The following KIAA1217 variants were observed in gnomAD, a reference collection of about 807,000 sequenced individuals.
KIAA1217 encodes the protein KIAA1217.
Under a neutral mutation model 163.9 loss-of-function variants are expected in KIAA1217, and 88 were observed. The observed-to-expected ratio is 0.54, with a 90% CI of 0.45 to 0.64. The LOEUF (loss-of-function observed/expected upper bound fraction) is 0.64. KIAA1217 is among the 30% of genes least tolerant of loss of function. The pLI is 0.00. For synonymous variants in KIAA1217, 903 were observed against 923.1 expected (o/e 0.98, Z 0.39); for missense variants, 2,372 against 2,475.0 (o/e 0.96, Z 0.88).
chr10:23,934,557 GTATATA>G (rs778185120), intron 1 of KIAA1217, among the ~76,000 whole-genome samples: 7,968 of 44,250 alleles, frequency 0.18, 905 homozygotes, highest in East Asian at 0.4. Flanking sequence ...GGTCTTTAAA[GTATATA>G]TATATATATA....
chr10:24,182,751 C>G (rs1422774355), intron 2 of KIAA1217, among the ~76,000 whole-genome samples: 1 of 151,892 alleles, frequency 6.6e-6, no homozygotes, highest in East Asian at 1.9e-4. Context: ...TAAGTGAAAG[C>G]AGAACTATAA....
intron 1 of KIAA1217, among the ~76,000 whole-genome samples, chr10:23,860,124 A>G (rs1478588113): frequency 6.6e-6 from 1 of 152,122 alleles, no homozygotes; most frequent in African/African-American, 2.4e-5. Context: ...TCTTCAGAGC[A>G]GGGAGCAGCT....
rs116392878 is a variant in KIAA1217, at chr10:24,541,516, G to A, written c.3535-1177G>A. ...CTCTGGGTTGACTTTGGCTGGGCCC[G>A]GGTGTTTGTGCTTTGTGTTGTCATT... On this transcript the variant is annotated intron_variant, in intron 17 of 20. Coordinates refer to ENST00000376454, the MANE Select transcript of KIAA1217 (RefSeq NM_019590.5). Among the ~76,000 whole-genome samples, 1,409 of 152,228 alleles carry A rather than the reference G, an allele frequency of 9.3e-3. 19 individuals carry two copies. The highest frequency in any genetic ancestry group is 0.033 in the African/African-American group (1,360 of 41,532).
At chr10:24,100,175 A>G (rs987471115) in intron 2 of KIAA1217, among the ~76,000 whole-genome samples, 1 of 151,934 alleles carries the variant, frequency 6.6e-6, no homozygotes, top group African/African-American at 2.4e-5. Context: ...CCACCAAGAA[A>G]CAAGGGTCTG....
intron 2 of KIAA1217, among the ~76,000 whole-genome samples, chr10:24,259,241 G>A (rs1003597798): frequency 5.3e-5 from 8 of 152,074 alleles, no homozygotes; most frequent in Admixed American, 1.3e-4. Context: ...AGATGTGGGC[G>A]GTTTCTTGTA....
intron 5 of KIAA1217, among the ~76,000 whole-genome samples, chr10:24,456,424 C>A (rs1039554137): frequency 2.0e-5 from 3 of 152,086 alleles, no homozygotes; most frequent in Admixed American, 1.3e-4. Context: ...AATAATCATG[C>A]GTGCTCAGTG....
chr10:23,934,614 TATA>T (rs1843435707), intron 1 of KIAA1217, among the ~76,000 whole-genome samples: 5 of 82,580 alleles, frequency 6.1e-5, no homozygotes, highest in Admixed American at 1.2e-4. Context: ...TATGTATATA[TATA>T]TATATATATT....
intron 1 of KIAA1217, among the ~76,000 whole-genome samples, chr10:23,782,860 T>C (rs1835320753): frequency 6.6e-6 from 1 of 152,218 alleles, no homozygotes; most frequent in South Asian, 2.1e-4. Flanking sequence ...TTGCCAGTAC[T>C]TCTACTATTA....
intron 3 of KIAA1217, among the ~76,000 whole-genome samples, chr10:24,429,863 C>T (rs971852592): frequency 6.6e-6 from 1 of 152,096 alleles, no homozygotes; most frequent in Non-Finnish European, 1.5e-5. Context: ...GTTTGTCAGG[C>T]CAGACATGGT....
At chr10:23,921,660 A>G (rs898861176) in intron 1 of KIAA1217, among the ~76,000 whole-genome samples, 2 of 151,934 alleles carry the variant, frequency 1.3e-5, no homozygotes, top group African/African-American at 2.4e-5. Flanking sequence ...CAGGCCCATG[A>G]GTTTCTTCGG....
intron 3 of KIAA1217, among the ~76,000 whole-genome samples, chr10:24,384,599 C>T (rs1020084434): frequency 1.3e-5 from 2 of 152,156 alleles, no homozygotes; most frequent in Admixed American, 6.5e-5. Flanking sequence ...TGCAGTGGAA[C>T]GATCTCGGCT....
chr10:24,478,893 T>C (rs2064331583), intron 6 of KIAA1217, among the ~76,000 whole-genome samples: 1 of 152,164 alleles, frequency 6.6e-6, no homozygotes, highest in Non-Finnish European at 1.5e-5. Flanking sequence ...AATTCAAGAG[T>C]GCTTATCGCA....
At chr10:24,387,780 A>G (rs534415839) in intron 3 of KIAA1217, among the ~76,000 whole-genome samples, 1 of 152,190 alleles carries the variant, frequency 6.6e-6, no homozygotes, top group East Asian at 1.9e-4. Flanking sequence ...AGAGAGCCAA[A>G]TCATGAGTGA....
At chr10:24,065,072 T>C (rs978896483) in intron 2 of KIAA1217, among the ~76,000 whole-genome samples, 4 of 152,224 alleles carry the variant, frequency 2.6e-5, no homozygotes, top group African/African-American at 9.6e-5. Flanking sequence ...ATCAATTTTG[T>C]TGATCCTTTC....
At position 24,536,808 on chromosome 10, in the gene KIAA1217, C is replaced by T. The variant is rs1261860364; in HGVS notation, c.3449C>T (p.Ser1150Leu). Residue 1150 changes from serine to leucine, a missense_variant, in exon 17 of 21, where the codon TCA becomes TTA. Around this residue, in one of 3 missense-constraint regions of KIAA1217, gnomAD observed 251 missense variants for 327.3 expected, o/e 0.77. Transcript: ENST00000376454. ...FQKCSFMDVN[S>L]NSHAEPSRAD... ...AAGTGTTCCTTTATGGATGTAAATT[C>T]AAACAGTCATGCTGAGCCATCCCGG... 3 of 1,613,686 alleles carry T rather than the reference C, an allele frequency of 1.9e-6. No homozygotes were observed. Among genetic ancestry groups the T allele is most frequent in the Non-Finnish European group, 2.5e-6 (3 of 1,179,830 alleles).
At chr10:24,308,543 C>G (rs376670402) in intron 2 of KIAA1217, among the ~76,000 whole-genome samples, 3 of 152,196 alleles carry the variant, frequency 2.0e-5, no homozygotes, top group Non-Finnish European at 4.4e-5. Context: ...AGGCCATCAG[C>G]CTTCTTAGGG....
At chr10:23,894,942 A>G (rs939609007) in intron 1 of KIAA1217, among the ~76,000 whole-genome samples, 3 of 152,188 alleles carry the variant, frequency 2.0e-5, no homozygotes, top group African/African-American at 4.8e-5. Context: ...AGCCATATGT[A>G]GAAAGCTGAA....
intron 1 of KIAA1217, among the ~76,000 whole-genome samples, chr10:23,971,608 A>AT (rs1845320482): frequency 2.6e-5 from 4 of 152,196 alleles, no homozygotes; most frequent in African/African-American, 9.6e-5. Context: ...ACTCTATAGC[A>AT]ATTGGATACC....
intron 1 of KIAA1217, among the ~76,000 whole-genome samples, chr10:23,973,612 G>A (rs905391422): frequency 2.0e-5 from 3 of 152,132 alleles, no homozygotes; most frequent in South Asian, 4.1e-4. Context: ...TGCCCACATC[G>A]AGGAAGATCA....
Sources: allele counts gnomAD v4.1 joint callset (sites outside exome capture counted in the v4.1 genomes callset), GRCh38; gene constraint gnomAD v4.1.1; regional missense constraint gnomAD v4.1.1; transcripts MANE v1.5; gene names NCBI Gene and HGNC (gene_info 2026-07-23, HGNC 2026-07-21).